MDGA2: variants seen among roughly 807,000 people sequenced by gnomAD.
The protein encoded by MDGA2 is MAM domain containing glycosylphosphatidylinositol anchor 2, also known as MAM domain-containing glycosylphosphatidylinositol anchor protein 2.
MDGA2 carries 40 observed loss-of-function variants against 117.8 expected under a neutral mutation model. The observed-to-expected ratio is 0.34, with a 90% CI of 0.26 to 0.44. MDGA2 has a LOEUF of 0.44. MDGA2 is among the 20% of genes least tolerant of loss of function. MDGA2 has a pLI of 1.00. For synonymous variants in MDGA2, 452 were observed against 439.0 expected (o/e 1.03, Z -0.37); for missense variants, 1,123 against 1,250.6 (o/e 0.90, Z 1.54).
chr14:47,492,407 CAG>C (rs1030616963), intron 1 of MDGA2, among the ~76,000 whole-genome samples: 1 of 152,010 alleles, frequency 6.6e-6, no homozygotes, highest in African/African-American at 2.4e-5. Flanking sequence ...ATTAATCAGA[CAG>C]ATATCACACT....
At chr14:47,218,409 A>G (rs1483864007) in intron 2 of MDGA2, among the ~76,000 whole-genome samples, 1 of 152,192 alleles carries the variant, frequency 6.6e-6, no homozygotes, top group East Asian at 1.9e-4. Flanking sequence ...TTTGAATTCA[A>G]TTGCATAGAA....
intron 1 of MDGA2, among the ~76,000 whole-genome samples, chr14:47,664,369 C>G (rs1023106171): frequency 1.3e-5 from 2 of 152,198 alleles, no homozygotes; most frequent in African/African-American, 4.8e-5. Flanking sequence ...TGAGGTTCAA[C>G]TGCTAGAGCA....
At chr14:47,453,501 C>T (rs769672669) in intron 1 of MDGA2, among the ~76,000 whole-genome samples, 3 of 152,104 alleles carry the variant, frequency 2.0e-5, no homozygotes, top group Non-Finnish European at 2.9e-5. Flanking sequence ...ATCTCCCTCA[C>T]ATAGTAAATT....
chr14:46,957,134 C>G (rs777157012), intron 9 of MDGA2, among the ~76,000 whole-genome samples: 1 of 152,038 alleles, frequency 6.6e-6, no homozygotes, highest in Non-Finnish European at 1.5e-5. Context: ...CCAATTTCCT[C>G]CTCACTAACT....
At chr14:47,310,438 C>G (rs752474242) in intron 1 of MDGA2, among the ~76,000 whole-genome samples, 2 of 152,058 alleles carry the variant, frequency 1.3e-5, no homozygotes, top group African/African-American at 2.4e-5. Flanking sequence ...TAGATTTGAC[C>G]TGAACCTGGG....
chr14:47,535,258 C>T (rs1476588955), intron 1 of MDGA2, among the ~76,000 whole-genome samples: 4 of 152,126 alleles, frequency 2.6e-5, no homozygotes, highest in East Asian at 1.9e-4. Context: ...AGCAGAAACA[C>T]GATGTCCTTT....
chr14:47,287,156 T>C (rs1888714980), intron 2 of MDGA2, among the ~76,000 whole-genome samples: 1 of 151,984 alleles, frequency 6.6e-6, no homozygotes, highest in Non-Finnish European at 1.5e-5. Flanking sequence ...TTTAAAACCA[T>C]GCTGTTTGAC....
chr14:47,470,895 T>C lies in MDGA2; in HGVS notation c.281-169345A>G, dbSNP rs563701094. On this transcript the variant is annotated intron_variant, in intron 1 of 16. Transcript: ENST00000399232. Reference sequence around the variant, plus strand: ...TTTATACTTAGTAATGAGACTATTTTTCCCTTAAAGTTTATAGGAAATTAT... The same window carrying C: ...TTTATACTTAGTAATGAGACTATTTCTCCCTTAAAGTTTATAGGAAATTAT... Among the ~76,000 whole-genome samples the C allele has an allele frequency of 3.3e-5, 5 of 152,324 alleles. No homozygotes were observed. In the South Asian group the frequency reaches 1.0e-3, roughly 32 times the overall value.
At chr14:47,548,701 T>C (rs549648775) in intron 1 of MDGA2, among the ~76,000 whole-genome samples, 29 of 152,210 alleles carry the variant, frequency 1.9e-4, no homozygotes, top group African/African-American at 6.0e-4. Context: ...CAGTCAAGGG[T>C]GAGAAATTAA....
chr14:46,969,508 G>A (rs1369293156), intron 8 of MDGA2, among the ~76,000 whole-genome samples: 1 of 152,172 alleles, frequency 6.6e-6, no homozygotes, highest in Non-Finnish European at 1.5e-5. Context: ...CAGTGATGAT[G>A]AGCATTGTTT....
At chr14:47,308,535 C>G (rs1380314251) in intron 1 of MDGA2, among the ~76,000 whole-genome samples, 1 of 124,566 alleles carries the variant, frequency 8.0e-6, no homozygotes, top group East Asian at 2.5e-4. Flanking sequence ...AAATTCAACT[C>G]TGTCAACTTC....
intron 1 of MDGA2, among the ~76,000 whole-genome samples, chr14:47,501,647 C>A (rs146668616): frequency 6.6e-6 from 1 of 152,170 alleles, no homozygotes; most frequent in East Asian, 1.9e-4. Flanking sequence ...GGGCCTTTAT[C>A]CAGTATGACT....
chr14:46,957,973 G>GT (rs1042969526), intron 8 of MDGA2, among the ~76,000 whole-genome samples: 1 of 151,850 alleles, frequency 6.6e-6, no homozygotes, highest in Non-Finnish European at 1.5e-5. Context: ...TTTTTTGTTT[G>GT]TTTGGGGTCC....
At chr14:47,310,899 G>A (rs189672016) in intron 1 of MDGA2, among the ~76,000 whole-genome samples, 59 of 152,250 alleles carry the variant, frequency 3.9e-4, no homozygotes, top group Admixed American at 6.5e-4. Context: ...CTGCAGGAAA[G>A]GATGGCATTT....
At chr14:47,666,961 C>T (rs998979687) in intron 1 of MDGA2, among the ~76,000 whole-genome samples, 5 of 152,118 alleles carry the variant, frequency 3.3e-5, no homozygotes, top group Non-Finnish European at 7.4e-5. Flanking sequence ...AGCGAGACCA[C>T]AAACCCACTA....
intron 1 of MDGA2, among the ~76,000 whole-genome samples, chr14:47,516,802 A>T (rs148309803): frequency 1.3e-5 from 2 of 152,332 alleles, no homozygotes; most frequent in Admixed American, 1.3e-4. Flanking sequence ...TTTTGCAGAT[A>T]CGCAGGCAGA....
At chr14:47,055,154 C>T (rs1889629581) in intron 7 of MDGA2, among the ~76,000 whole-genome samples, 1 of 151,928 alleles carries the variant, frequency 6.6e-6, no homozygotes, top group Non-Finnish European at 1.5e-5. Context: ...GTTTGGGAAA[C>T]AGGAAAAGCT....
At chr14:47,229,401 G>A (rs918517583) in intron 2 of MDGA2, among the ~76,000 whole-genome samples, 2 of 151,940 alleles carry the variant, frequency 1.3e-5, no homozygotes, top group African/African-American at 4.8e-5. Flanking sequence ...TCACTAGACT[G>A]TTTTTCTGTG....
intron 1 of MDGA2, among the ~76,000 whole-genome samples, chr14:47,449,375 C>G (rs776164269): frequency 2.0e-5 from 3 of 152,098 alleles, no homozygotes; most frequent in Non-Finnish European, 2.9e-5. Context: ...AGACTCACCT[C>G]TACTATAAAT....
Sources: allele counts gnomAD v4.1 joint callset (sites outside exome capture counted in the v4.1 genomes callset), GRCh38; gene constraint gnomAD v4.1.1; transcripts MANE v1.5; gene names NCBI Gene and HGNC (gene_info 2026-07-23, HGNC 2026-07-21).